SEMA4D: variants seen among roughly 807,000 people sequenced by gnomAD.
SEMA4D encodes the protein semaphorin 4D, also known as semaphorin-4D.
Under a neutral mutation model 74.8 loss-of-function variants are expected in SEMA4D, and 22 were observed. The observed-to-expected ratio is 0.29, with a 90% CI of 0.21 to 0.42. The LOEUF is 0.42. SEMA4D is among the 10% of genes least tolerant of loss of function. SEMA4D has a pLI of 1.00. For synonymous variants in SEMA4D, 445 were observed against 463.7 expected (o/e 0.96, Z 0.52); for missense variants, 937 against 1,118.4 (o/e 0.84, Z 2.31).
intron 16 of SEMA4D, chr9:89,364,210 C>T (rs568715256): frequency 3.3e-6 from 2 of 613,934 alleles, no homozygotes; most frequent in Admixed American, 3.1e-5. Flanking sequence ...TGGCCTGTGT[C>T]CCCTAGGACC....
chr9:89,495,634 G>GGCAGCAGCCTTTCTC (rs1825946860), intron 1 of SEMA4D, among the ~76,000 whole-genome samples: 1 of 152,190 alleles, frequency 6.6e-6, no homozygotes, highest in African/African-American at 2.4e-5. Context: ...GGGAACAGCA[G>GGCAGCAGCCTTTCTC]GCAGCAGCCT....
chr9:89,438,278 T>C (rs1417642531), intron 2 of SEMA4D, among the ~76,000 whole-genome samples: 2 of 152,232 alleles, frequency 1.3e-5, no homozygotes, highest in African/African-American at 4.8e-5. Context: ...AGTGAAGGGC[T>C]GGGGGCCTCA....
At chr9:89,435,369 C>T (rs1223107585) in intron 2 of SEMA4D, among the ~76,000 whole-genome samples, 2 of 152,372 alleles carry the variant, frequency 1.3e-5, no homozygotes, top group African/African-American at 2.4e-5. Context: ...TCCCCATTCA[C>T]AGCCCCCATT....
In SEMA4D at chr9:89,451,666, C is replaced by T. The variant is rs142682180; in HGVS notation, c.-244+4222G>A. ...GAAAGGTGACAAATTTCAGTACCTC[C>T]GGCATGCTGTCCCAGGAAACTAGGG... On this transcript the variant is annotated intron_variant, in intron 2 of 15. Transcript: ENST00000422704. 1.6e-4 allele frequency among the ~76,000 whole-genome samples: 25 copies of T among 152,254 alleles called. No individual in the cohort carries two copies. In the East Asian group the frequency reaches 3.3e-3, roughly 20 times the overall value.
chr9:89,482,476 C>G (rs12551017), intron 1 of SEMA4D, among the ~76,000 whole-genome samples: 18,595 of 152,200 alleles, frequency 0.12, 1,446 homozygotes, highest in Non-Finnish European at 0.17. Flanking sequence ...GAAGGCCCCG[C>G]AAAGCTCAGG....
chr9:89,443,864 G>A (rs1852227630), intron 2 of SEMA4D, among the ~76,000 whole-genome samples: 1 of 152,236 alleles, frequency 6.6e-6, no homozygotes, highest in African/African-American at 2.4e-5. Context: ...TTTGGAGACT[G>A]CGAGGTGCCA....
At chr9:89,453,857 CT>C (rs11300976) in intron 2 of SEMA4D, among the ~76,000 whole-genome samples, 46,192 of 127,490 alleles carry the variant, frequency 0.36, 7,400 homozygotes, top group Middle Eastern at 0.44. Flanking sequence ...GAATATATGT[CT>C]TTTTTTTTTT....
chr9:89,410,828 C>T (rs1844377019), intron 2 of SEMA4D, among the ~76,000 whole-genome samples: 2 of 152,308 alleles, frequency 1.3e-5, no homozygotes, highest in South Asian at 4.1e-4. Flanking sequence ...AAGAAATTAC[C>T]TCTGAGTGCC....
chr9:89,483,882 C>T (rs1824928638), intron 1 of SEMA4D, among the ~76,000 whole-genome samples: 1 of 152,226 alleles, frequency 6.6e-6, no homozygotes, highest in Non-Finnish European at 1.5e-5. Context: ...AATGTTTTAG[C>T]AATATGGTCC....
At chr9:89,384,207 T>G (rs896687414) in intron 13 of SEMA4D, among the ~76,000 whole-genome samples, 2 of 152,172 alleles carry the variant, frequency 1.3e-5, no homozygotes, top group Non-Finnish European at 2.9e-5. Flanking sequence ...ACAGCAGCAC[T>G]GTTCACAGAA....
chr9:89,365,708 C>T (rs929905811), intron 16 of SEMA4D: 2 of 152,256 alleles, frequency 1.3e-5, no homozygotes, highest in African/African-American at 4.8e-5. Flanking sequence ...TGGCCTTGTT[C>T]TCAGGTGTAG....
chr9:89,458,987 TCATA>T (rs1195225063), intron 1 of SEMA4D, among the ~76,000 whole-genome samples: 1 of 152,132 alleles, frequency 6.6e-6, no homozygotes, highest in Non-Finnish European at 1.5e-5. Flanking sequence ...ATATGCATAC[TCATA>T]CACACACTGT....
chr9:89,406,558 C>T (rs1226395613), intron 2 of SEMA4D, among the ~76,000 whole-genome samples: 3 of 152,180 alleles, frequency 2.0e-5, no homozygotes, highest in Non-Finnish European at 2.9e-5. Flanking sequence ...CAGCGTAACC[C>T]GCCACAGGAC....
chr9:89,416,552 C>T (rs1845758669), intron 2 of SEMA4D, among the ~76,000 whole-genome samples: 1 of 152,184 alleles, frequency 6.6e-6, no homozygotes, highest in Non-Finnish European at 1.5e-5. Context: ...CAGGGACATG[C>T]ACAAACACCA....
At chr9:89,399,469 G>A (rs1230159403) in intron 4 of SEMA4D, 131 bp from the exon 5 acceptor site, 3 of 698,602 alleles carry the variant, frequency 4.3e-6, no homozygotes, top group East Asian at 2.6e-5. Flanking sequence ...TTCTCAGACT[G>A]CAAGGGAGGT....
At position 89,450,687 on chromosome 9, in the gene SEMA4D, A is replaced by AAAAAAG. The variant is rs1372309489; in HGVS notation, c.-244+5200_-244+5201insCTTTTT. The AAAAAAG allele has an allele frequency of 1.6e-4, 158 of 982,472 alleles. 6 individuals are homozygous for AAAAAAG. In the African/African-American group the frequency reaches 2.6e-3, roughly 16 times the overall value. The allele number at this position is 982,472 out of a possible 1,614,324, so 60.9% of individuals were successfully genotyped here. ...AAAAAAAAAAAAAAAAAAAAAAAAA[A>AAAAAAG]GGCCTCCAAGACTGCAGAGAATGCC... On this transcript the variant is annotated intron_variant, in intron 2 of 15. Transcript: ENST00000422704.
At chr9:89,461,700 CTTTTTTTTT>C (rs61696689) in intron 1 of SEMA4D, among the ~76,000 whole-genome samples, 1 of 103,646 alleles carries the variant, frequency 9.6e-6, no homozygotes, top group Admixed American at 1.1e-4. Flanking sequence ...TCTTTTTTCT[CTTTTTTTTT>C]TTTTTTTTTT....
chr9:89,362,182 T>A, exon 19 of SEMA4D: 9 of 658,666 alleles, frequency 1.4e-5, no homozygotes, highest in Admixed American at 2.9e-5. Context: ...CACCTAATTT[T>A]TTAAGTCTTA....
chr9:89,421,812 TGTGTGG>T (rs781227611), intron 2 of SEMA4D, among the ~76,000 whole-genome samples: 7 of 152,210 alleles, frequency 4.6e-5, no homozygotes, highest in Non-Finnish European at 1.0e-4. Context: ...TGTGTGTGTG[TGTGTGG>T]GTGTGCACAC....
Sources: gnomAD v4.1 joint callset for allele counts (sites outside exome capture counted in the v4.1 genomes callset) on GRCh38, gnomAD v4.1.1 for gene constraint, MANE v1.5 for transcripts, NCBI Gene and HGNC (gene_info 2026-07-23, HGNC 2026-07-21) for gene names.